CLIC4: variants seen among roughly 807,000 people sequenced by gnomAD.
CLIC4 encodes CLIC family member 4.
Under a neutral mutation model 24.6 loss-of-function variants are expected in CLIC4, and 13 were observed. The observed-to-expected ratio is 0.53, with a 90% CI of 0.34 to 0.84. The LOEUF is 0.84. Ranked by LOEUF, CLIC4 falls within the 40% of genes least tolerant of loss-of-function variation. The pLI is 0.01. For synonymous variants in CLIC4, 104 were observed against 111.3 expected, an observed-to-expected ratio of 0.93 and a Z score of 0.41; for missense variants, 227 against 301.7, an observed-to-expected ratio of 0.75 and a Z score of 1.83.
At chr1:24,835,495 G>A (rs918180585) in intron 4 of CLIC4, among the ~76,000 whole-genome samples, 2 of 152,160 alleles carry the variant, frequency 1.3e-5, no homozygotes, top group African/African-American at 4.8e-5. Context: ...ACTGGGAGGC[G>A]GAGGTTGCAG....
intron 2 of CLIC4, among the ~76,000 whole-genome samples, chr1:24,801,271 G>T (rs955575208): frequency 6.6e-6 from 1 of 152,186 alleles, no homozygotes; most frequent in African/African-American, 2.4e-5. Context: ...TGGCAGTTCT[G>T]CAGGTTGTAC....
chr1:24,802,464 C>T (rs1639501650), intron 2 of CLIC4, among the ~76,000 whole-genome samples: 2 of 151,982 alleles, frequency 1.3e-5, no homozygotes, highest in South Asian at 4.1e-4. Flanking sequence ...TGTTTATTAC[C>T]TAGGGCTTTA....
chr1:24,816,603 C>G (rs1315586959), intron 3 of CLIC4, among the ~76,000 whole-genome samples: 1 of 152,104 alleles, frequency 6.6e-6, no homozygotes, highest in Non-Finnish European at 1.5e-5. Context: ...CTTTGCTTTG[C>G]TCAGATCCAT....
At chr1:24,820,719 TTCTC>T (rs59401099) in intron 3 of CLIC4, among the ~76,000 whole-genome samples, 93,412 of 151,528 alleles carry the variant, frequency 0.62, 29,934 homozygotes, top group Non-Finnish European at 0.71. Context: ...TTATTATTCA[TTCTC>T]TATGAAGGAA....
At chr1:24,831,784 G>A (rs558206784) in intron 4 of CLIC4, among the ~76,000 whole-genome samples, 23 of 152,160 alleles carry the variant, frequency 1.5e-4, no homozygotes, top group Admixed American at 5.9e-4. Flanking sequence ...GACTACAGGC[G>A]TGCACCACCA....
At chr1:24,747,956 CA>C (rs1355610451) in intron 1 of CLIC4, among the ~76,000 whole-genome samples, 2 of 145,748 alleles carry the variant, frequency 1.4e-5, no homozygotes, top group Non-Finnish European at 3.0e-5. Context: ...ACCGGGGAGG[CA>C]AAGGTTGGAG....
intron 1 of CLIC4, among the ~76,000 whole-genome samples, chr1:24,747,008 A>G (rs1162362905): frequency 2.6e-5 from 4 of 152,102 alleles, no homozygotes; most frequent in African/African-American, 4.8e-5. Context: ...GATGGAGAGA[A>G]GAAATAATCT....
chr1:24,766,197 G>T (rs779739007), intron 1 of CLIC4, among the ~76,000 whole-genome samples: 1 of 151,758 alleles, frequency 6.6e-6, no homozygotes, highest in Non-Finnish European at 1.5e-5. Flanking sequence ...TGGAGACAGG[G>T]TTACACCATG....
At chr1:24,835,453 C>T (rs532557938) in intron 4 of CLIC4, among the ~76,000 whole-genome samples, 4 of 152,158 alleles carry the variant, frequency 2.6e-5, no homozygotes, top group Non-Finnish European at 5.9e-5. Context: ...ATCCCAGCTA[C>T]TCGGGAGGCT....
chr1:24,775,655 T>C (rs1639130042), intron 1 of CLIC4, among the ~76,000 whole-genome samples: 1 of 151,774 alleles, frequency 6.6e-6, no homozygotes, highest in African/African-American at 2.4e-5. Flanking sequence ...TAGTTTTTAG[T>C]TCTAGAATTT....
chr1:24,789,403 AG>A (rs1458031363), intron 1 of CLIC4, among the ~76,000 whole-genome samples: 2 of 152,208 alleles, frequency 1.3e-5, no homozygotes, highest in Admixed American at 1.3e-4. Flanking sequence ...CTATAATCCC[AG>A]CTATTCGGGA....
intron 2 of CLIC4, among the ~76,000 whole-genome samples, chr1:24,802,097 C>T (rs182388053): frequency 2.0e-5 from 3 of 152,220 alleles, no homozygotes; most frequent in African/African-American, 7.2e-5. Flanking sequence ...CCATTTTTGG[C>T]TTGGAGCAAG....
At chr1:24,805,905 C>T (rs2124143188) in intron 2 of CLIC4, among the ~76,000 whole-genome samples, 1 of 152,130 alleles carries the variant, frequency 6.6e-6, no homozygotes, top group East Asian at 1.9e-4. Flanking sequence ...GTTTTTATTT[C>T]CTTTTCTTCA....
At chr1:24,756,824 G>A (rs375767269) in intron 1 of CLIC4, among the ~76,000 whole-genome samples, 1 of 150,852 alleles carries the variant, frequency 6.6e-6, no homozygotes, top group African/African-American at 2.4e-5. Flanking sequence ...GGGTTCAAGC[G>A]ATTCTTCTGC....
intron 1 of CLIC4, among the ~76,000 whole-genome samples, chr1:24,751,817 T>C (rs1638780621): frequency 6.6e-6 from 1 of 152,194 alleles, no homozygotes; most frequent in Admixed American, 6.5e-5. Flanking sequence ...TGAGCCGAGA[T>C]TGTGCCATTG....
Position 24,752,922 on chromosome 1 carries a change from C to T in CLIC4, c.72+7297C>T, listed in dbSNP as rs549168780. ...ATTTTTAGTAGAGATGGGGTTTCAC[C>T]GTGTTGGTCAGGATGGTCTCGATCT... On this transcript the variant is annotated intron_variant, in intron 1 of 5. Coordinates refer to ENST00000374379, the MANE Select transcript of CLIC4 (RefSeq NM_013943.3). 7.4e-4 allele frequency among the ~76,000 whole-genome samples: 113 copies of T among 152,182 alleles called. 1 individual carries two copies. The highest frequency in any genetic ancestry group is 2.5e-3 in the African/African-American group (105 of 41,504).
At chr1:24,751,138 C>T (rs1053880852) in intron 1 of CLIC4, among the ~76,000 whole-genome samples, 1 of 151,962 alleles carries the variant, frequency 6.6e-6, no homozygotes, top group Non-Finnish European at 1.5e-5. Flanking sequence ...TTTCTCTAGC[C>T]TCCAGTCTCC....
intron 2 of CLIC4, among the ~76,000 whole-genome samples, chr1:24,802,748 C>G (rs1639505192): frequency 6.8e-6 from 1 of 146,274 alleles, no homozygotes; most frequent in Non-Finnish European, 1.5e-5. Context: ...CTGCCTCTGT[C>G]ACCGAGGCTG....
At chr1:24,793,118 C>A (rs1639358166) in intron 1 of CLIC4, 1 of 150,172 alleles carries the variant, frequency 6.7e-6, no homozygotes, top group Non-Finnish European at 1.5e-5. Context: ...AGGATAAAGG[C>A]CTTGAGTCAG....
Sources: gnomAD v4.1 joint callset for allele counts (sites outside exome capture counted in the v4.1 genomes callset) on GRCh38, gnomAD v4.1.1 for gene constraint, MANE v1.5 for transcripts, NCBI Gene and HGNC (gene_info 2026-07-23, HGNC 2026-07-21) for gene names.